Variants in PCDHGA9 observed in about 807,000 individuals in gnomAD.
The protein encoded by PCDHGA9 is protocadherin gamma subfamily A, 9.
A neutral mutation model predicts 62.5 loss-of-function variants in PCDHGA9; 37 were observed. The observed-to-expected ratio is 0.59, with a 90% CI of 0.46 to 0.78. The LOEUF (loss-of-function observed/expected upper bound fraction) is 0.78. Ranked by LOEUF, PCDHGA9 falls within the 30% of genes least tolerant of loss-of-function variation. The pLI is 0.00. For missense variants in PCDHGA9, 1,138 were observed against 1,166.2 expected (o/e 0.98, Z 0.35); for synonymous variants, 459 against 484.6 (o/e 0.95, Z 0.69).
chr5:141,426,909 G>A (rs1293364217), intron 1 of PCDHGA9: 1 of 456,744 alleles, frequency 2.2e-6, no homozygotes, highest in Non-Finnish European at 4.4e-6. Flanking sequence ...TCATCTCCTG[G>A]TCCTGGAAGC....
At chr5:141,437,104 T>C (rs539232057) in intron 1 of PCDHGA9, among the ~76,000 whole-genome samples, 1 of 152,338 alleles carries the variant, frequency 6.6e-6, no homozygotes, top group African/African-American at 2.4e-5. Flanking sequence ...GGCTTAGCTT[T>C]AGGATTTTTA....
chr5:141,410,109 ACG>A, intron 1 of PCDHGA9: 1 of 1,612,496 alleles, frequency 6.2e-7, no homozygotes, highest in Non-Finnish European at 8.5e-7. Flanking sequence ...GGCGACAGGG[ACG>A]CAGCCCGCCA....
chr5:141,423,061 G>T, intron 1 of PCDHGA9: 2 of 1,614,160 alleles, frequency 1.2e-6, no homozygotes, highest in Non-Finnish European at 1.7e-6. Context: ...CCTGCTTAAG[G>T]CCAGCGAGCC....
rs372466798 is a variant in PCDHGA9 at position 141,413,407 on chromosome 5, C to T, written c.2424+8031C>T. On this transcript the variant is annotated intron_variant, in intron 1 of 3. Transcript: ENST00000573521. ...CATAGTCTCCAGAGGTAGGACGCAG[C>T]TTTTCTCTCTGAACCCGCGCAGCGG... The T allele has an allele frequency of 6.2e-7, 1 of 1,614,044 alleles. No individual in the cohort carries two copies. The highest frequency in any genetic ancestry group is 8.5e-7 in the Non-Finnish European group (1 of 1,179,938).
At chr5:141,457,554 G>A (rs2098924282) in intron 1 of PCDHGA9, among the ~76,000 whole-genome samples, 1 of 152,166 alleles carries the variant, frequency 6.6e-6, no homozygotes, top group Admixed American at 6.5e-5. Flanking sequence ...TGTATGATAA[G>A]CTTTGGAGCA....
In PCDHGA9 at chr5:141,489,183, G is replaced by A. The variant is rs2099683673; in HGVS notation, c.2425-5624G>A. 7.9e-7 allele frequency: 1 copy of A among 1,270,400 alleles called. No individual in the cohort carries two copies. Among genetic ancestry groups the A allele is most frequent in the Non-Finnish European group, 1.1e-6 (1 of 913,958 alleles). The allele number at this position is 1,270,400 out of a possible 1,614,324, so 78.7% of individuals were successfully genotyped here. A position where few individuals can be genotyped will look rare whatever the true frequency, so the allele number is the denominator to read the frequency against. ...TTCAGCTGCTGCATTCCAAGCCCTGGGTCTACCTTGGAGACAGGACAGCAC... is the reference window on the plus strand; with the variant it reads ...TTCAGCTGCTGCATTCCAAGCCCTGAGTCTACCTTGGAGACAGGACAGCAC... On this transcript the variant is annotated intron_variant, in intron 1 of 3. Transcript: ENST00000573521. The surrounding 1 kb of genome is among the most constrained non-coding windows in gnomAD (Gnocchi z 4.5).
At chr5:141,413,054 A>T in intron 1 of PCDHGA9, 1 of 981,732 alleles carries the variant, frequency 1.0e-6, no homozygotes, top group Non-Finnish European at 1.5e-6. Context: ...AGGGAAGCTC[A>T]CTCCAGAATT....
At chr5:141,436,764 A>G (rs1248797699) in intron 1 of PCDHGA9, among the ~76,000 whole-genome samples, 1 of 152,214 alleles carries the variant, frequency 6.6e-6, no homozygotes, top group East Asian at 1.9e-4. Flanking sequence ...GGTATAATGG[A>G]ATGATTTGTG....
chr5:141,413,836 G>A, intron 1 of PCDHGA9: 2 of 1,613,256 alleles, frequency 1.2e-6, no homozygotes, highest in Non-Finnish European at 1.7e-6. Context: ...CGCCTCCGAC[G>A]GGGGTGACCC....
chr5:141,418,430 T>G (rs1331082135), intron 1 of PCDHGA9: 1 of 1,613,908 alleles, frequency 6.2e-7, no homozygotes, highest in South Asian at 1.1e-5. Flanking sequence ...TGGTGGCAAA[T>G]ATCCAGAATT....
intron 1 of PCDHGA9, chr5:141,413,476 G>A: frequency 6.2e-7 from 1 of 1,614,122 alleles, no homozygotes; most frequent in Non-Finnish European, 8.5e-7. Context: ...GGAGCTCTGC[G>A]CTCAGAGCGC....
intron 2 of PCDHGA9, among the ~76,000 whole-genome samples, chr5:141,500,148 G>A (rs936567158): frequency 6.6e-6 from 1 of 150,990 alleles, no homozygotes; most frequent in Non-Finnish European, 1.5e-5. Flanking sequence ...ACTTTTCTTT[G>A]TGTAATCAAA....
At chr5:141,495,052 CTGTT>C (rs1406995321) in intron 2 of PCDHGA9, among the ~76,000 whole-genome samples, 187 bp downstream of exon 2, 1 of 152,190 alleles carries the variant, frequency 6.6e-6, no homozygotes, top group Non-Finnish European at 1.5e-5. Context: ...ACTGCCCTGA[CTGTT>C]CAGGAAGCTC....
chr5:141,438,308 C>G (rs2097949954), intron 1 of PCDHGA9, among the ~76,000 whole-genome samples: 1 of 151,766 alleles, frequency 6.6e-6, no homozygotes, highest in Non-Finnish European at 1.5e-5. Context: ...GAAGTTGGTA[C>G]CACCATAATT....
At position 141,485,791 on chromosome 5, in the gene PCDHGA9, G is replaced by A; in HGVS notation, c.2425-9016G>A. The A allele has an allele frequency of 6.2e-7, 1 of 1,614,196 alleles. No homozygotes were observed. The highest frequency in any genetic ancestry group is 8.5e-7 in the Non-Finnish European group (1 of 1,180,032). ...AGCCTTTGGATCGAGAGAAGCAATC[G>A]GACTACCGCCTGGTGCTGACTGCTG... On this transcript the variant is annotated intron_variant, in intron 1 of 3. Transcript: ENST00000573521. The surrounding 1 kb of genome is among the most constrained non-coding windows in gnomAD (Gnocchi z 5.7).
At chr5:141,438,334 A>G (rs756299924) in intron 1 of PCDHGA9, among the ~76,000 whole-genome samples, 6 of 151,946 alleles carry the variant, frequency 3.9e-5, no homozygotes, top group Non-Finnish European at 7.4e-5. Context: ...TATACATGTC[A>G]TATAAGGATC....
rs2099692814 is a variant in PCDHGA9 at position 141,489,840 on chromosome 5, G to A, written c.2425-4967G>A. 6.2e-7 allele frequency: 1 copy of A among 1,614,190 alleles called. No individual in the cohort carries two copies. The highest frequency in any genetic ancestry group is 8.5e-7 in the Non-Finnish European group (1 of 1,179,990). On this transcript the variant is annotated intron_variant, in intron 1 of 3. Coordinates refer to ENST00000573521, the MANE Select transcript of PCDHGA9 (RefSeq NM_018921.3). The surrounding 1 kb of genome is among the most constrained non-coding windows in gnomAD (Gnocchi z 4.5). ...CAGAGCTGGTGCTAGAGCAGCAGCT[G>A]GATCGTGAAGCCCAGGCAAGACATC... is the stretch of plus-strand genomic sequence containing the variant.
At chr5:141,465,792 T>A (rs1262092940) in intron 1 of PCDHGA9, among the ~76,000 whole-genome samples, 2 of 152,018 alleles carry the variant, frequency 1.3e-5, no homozygotes, top group Non-Finnish European at 2.9e-5. Flanking sequence ...TTTTTTTTTT[T>A]AAGAAACCCT....
intron 1 of PCDHGA9, chr5:141,475,820 C>G (rs890721743): frequency 1.1e-5 from 4 of 351,810 alleles, no homozygotes; most frequent in Non-Finnish European, 1.5e-5. Context: ...AAGTTCCTGG[C>G]GCTAGCGCGT....
Sources: gnomAD v4.1 joint callset for allele counts (sites outside exome capture counted in the v4.1 genomes callset) on GRCh38, gnomAD v4.1.1 for gene constraint, Gnocchi (gnomAD v3.1) non-coding constraint, MANE v1.5 for transcripts, NCBI Gene and HGNC (gene_info 2026-07-23, HGNC 2026-07-21) for gene names.